Variants in ABCA9 observed in about 807,000 individuals in gnomAD.
ABCA9 encodes the protein ATP-binding cassette sub-family A member 9.
In ABCA9, 183 loss-of-function variants were observed where a neutral mutation model predicts 205.3. That is an observed-to-expected ratio of 0.89 (90% CI 0.79 to 1.01). The LOEUF is 1.01. Among genes scored for constraint, ABCA9 ranks in the 50% least tolerant of loss-of-function variants. The pLI is 0.00. For missense variants in ABCA9, 1,805 were observed against 1,912.4 expected, an observed-to-expected ratio of 0.94 and a Z score of 1.05; for synonymous variants, 651 against 683.3, an observed-to-expected ratio of 0.95 and a Z score of 0.74.
intron 17 of ABCA9, among the ~76,000 whole-genome samples, chr17:69,022,650 G>T (rs2070857398): frequency 6.6e-6 from 1 of 152,040 alleles, no homozygotes; most frequent in Middle Eastern, 3.2e-3. Flanking sequence ...TTACAGGCAT[G>T]GGCCACCGCG....
chr17:69,026,855 C>A, intron 15 of ABCA9, 121 bp downstream of exon 15: 1 of 1,261,576 alleles, frequency 7.9e-7, no homozygotes. Context: ...TGAGTAAGAG[C>A]AAAATTCTCC....
intron 1 of ABCA9, among the ~76,000 whole-genome samples, chr17:69,060,446 G>A (rs973164458): frequency 6.6e-5 from 10 of 152,042 alleles, no homozygotes; most frequent in African/African-American, 2.4e-4. Flanking sequence ...ATATTCTCAA[G>A]CCATTTAAAA....
At chr17:68,989,702 T>A in intron 30 of ABCA9, 111 bp downstream of exon 30, 5 of 681,046 alleles carry the variant, frequency 7.3e-6, no homozygotes, top group East Asian at 2.6e-5. Context: ...GGAGCAGGCT[T>A]AGCCTGCTGC....
At position 69,043,506 on chromosome 17, in the gene ABCA9, G is replaced by A. The variant is rs1567968191; in HGVS notation, c.783C>T (p.Leu261=). Residue 261 remains leucine, a synonymous_variant, in exon 6 of 39, where the codon CTC becomes CTT. Coordinates refer to ENST00000340001, the MANE Select transcript of ABCA9 (RefSeq NM_080283.4). Reference sequence around the variant, plus strand: ...TGATTTACCAGAATGCTGACTCTCGGAGTCCCATCATTGTCATCAATGACG... The same window carrying A: ...TGATTTACCAGAATGCTGACTCTCGAAGTCCCATCATTGTCATCAATGACG... The part of the protein sequence containing the change: ...YITSLMTMMG[L]RESAFWLSWG... The A allele has an allele frequency of 6.3e-7, 1 of 1,597,256 alleles. No homozygotes were observed. The highest frequency in any genetic ancestry group is 8.5e-7 in the Non-Finnish European group (1 of 1,171,458).
chr17:69,008,769 A>G (rs974548486), intron 23 of ABCA9, among the ~76,000 whole-genome samples: 10 of 152,224 alleles, frequency 6.6e-5, no homozygotes, highest in African/African-American at 2.2e-4. Flanking sequence ...GCCGTAAGTC[A>G]TATTTTTCAT....
At chr17:69,057,832 CT>C (rs972456214) in intron 1 of ABCA9, among the ~76,000 whole-genome samples, 11 of 149,428 alleles carry the variant, frequency 7.4e-5, no homozygotes, top group African/African-American at 2.3e-4. Context: ...CATGTAGAAG[CT>C]TTTTTTTTCT....
intron 1 of ABCA9, chr17:69,051,901 G>A (rs909122020): frequency 2.6e-5 from 4 of 152,130 alleles, no homozygotes; most frequent in Non-Finnish European, 5.9e-5. Context: ...ACAATAAAAA[G>A]GTTATCTTTG....
At chr17:69,049,922 T>A (rs936015876) in intron 2 of ABCA9, among the ~76,000 whole-genome samples, 5 of 152,002 alleles carry the variant, frequency 3.3e-5, no homozygotes, top group African/African-American at 1.2e-4. Flanking sequence ...AAGAAGATAG[T>A]CCCAAAATGT....
chr17:68,996,150 C>A (rs2069617266), intron 25 of ABCA9, 136 bp from the exon 26 acceptor site: 4 of 839,298 alleles, frequency 4.8e-6, no homozygotes, highest in Non-Finnish European at 6.9e-6. Context: ...TATATCATTT[C>A]TTTCCTTTGC....
chr17:69,032,293 C>T lies in ABCA9; in HGVS notation c.1277-17G>A. 6.2e-7 allele frequency: 1 copy of T among 1,608,408 alleles called. No homozygotes were observed. Reference sequence around the variant, plus strand: ...CATATTCAGCTATGTGAGCAGGAGGCAATTGAATACTGGGTCAGTCATCGC... The same window carrying T: ...CATATTCAGCTATGTGAGCAGGAGGTAATTGAATACTGGGTCAGTCATCGC... On this transcript the variant is annotated splice_polypyrimidine_tract_variant and intron_variant, in intron 9 of 38. Coordinates refer to ENST00000340001, the MANE Select transcript of ABCA9 (RefSeq NM_080283.4).
chr17:69,078,854 A>G, the ABCA9 span: 2 of 603,126 alleles, frequency 3.3e-6, no homozygotes, highest in Non-Finnish European at 5.3e-6. Flanking sequence ...TTGTTAACTA[A>G]ATTTACAAAA....
chr17:69,038,727 CA>C (rs1415967023), intron 6 of ABCA9, among the ~76,000 whole-genome samples: 1 of 152,002 alleles, frequency 6.6e-6, no homozygotes, highest in Non-Finnish European at 1.5e-5. Flanking sequence ...CACAATCAGG[CA>C]AGAGAAAGAA....
intron 29 of ABCA9, among the ~76,000 whole-genome samples, chr17:68,990,255 G>C (rs1447151388): frequency 1.3e-5 from 2 of 152,174 alleles, no homozygotes; most frequent in Non-Finnish European, 2.9e-5. Context: ...TCAGTGACTT[G>C]CAGTAAGCTT....
rs1338802675 is a variant in ABCA9, at chr17:69,027,417, T to A, written c.1824A>T (p.Glu608Asp). 1.9e-6 allele frequency: 3 copies of A among 1,613,028 alleles called. No homozygotes were observed. The highest frequency in any genetic ancestry group is 2.2e-5 in the South Asian group (2 of 90,954). The stretch of plus-strand genomic sequence containing the variant: ...TTTGAGCAAGGATGTCTTGAATATT[T>A]TCCATTTCTAATTCCTGTACAACTC... Reference protein sequence around the residue: ...VQRVVQELEMENIQDILAQNL... With the variant: ...VQRVVQELEMDNIQDILAQNL... Residue 608 changes from glutamate (E) to aspartate (D), a missense_variant, in exon 14 of 39, where the codon GAA (glutamate) becomes GAT (aspartate). Transcript: ENST00000340001.
chr17:69,059,460 T>C (rs1413479478), intron 1 of ABCA9, among the ~76,000 whole-genome samples: 1 of 150,798 alleles, frequency 6.6e-6, no homozygotes, highest in Non-Finnish European at 1.5e-5. Context: ...GCTTTGAAGA[T>C]GGAGGAGGAA....
chr17:69,031,809 CA>C (rs2071159548), intron 10 of ABCA9, among the ~76,000 whole-genome samples: 2 of 152,020 alleles, frequency 1.3e-5, no homozygotes, highest in Non-Finnish European at 2.9e-5. Context: ...GAGAACAACT[CA>C]GGGGAGAAAA....
At chr17:68,999,381 GT>G (rs1472750310) in intron 25 of ABCA9, among the ~76,000 whole-genome samples, 1 of 140,154 alleles carries the variant, frequency 7.1e-6, no homozygotes, top group East Asian at 2.0e-4. Flanking sequence ...GCGGTGTTTG[GT>G]TTTTTGTTCT....
chr17:68,998,257 G>A (rs1000818341), intron 25 of ABCA9, among the ~76,000 whole-genome samples: 3 of 152,152 alleles, frequency 2.0e-5, no homozygotes, highest in Non-Finnish European at 4.4e-5. Context: ...GCAGGTTTTT[G>A]TGTGGACCAA....
rs1257010855 is a variant in ABCA9, at chr17:69,051,132, C to T, written c.-6G>A. ...CTCATGCGTCTCTTGCTCATTTTGA[C>T]CTGTTTCCTTTAAAAAGACAGAAAA... On this transcript the variant is annotated 5_prime_UTR_variant, in exon 2 of 39. Coordinates refer to ENST00000340001, the MANE Select transcript of ABCA9 (RefSeq NM_080283.4). The T allele has an allele frequency of 3.7e-6, 6 of 1,612,776 alleles. No individual in the cohort carries two copies. Among genetic ancestry groups the T allele is most frequent in the East Asian group, 2.2e-5 (1 of 44,850 alleles).
Sources: gnomAD v4.1 joint callset for allele counts (sites outside exome capture counted in the v4.1 genomes callset) on GRCh38, gnomAD v4.1.1 for gene constraint, MANE v1.5 for transcripts, NCBI Gene and HGNC (gene_info 2026-07-23, HGNC 2026-07-21) for gene names.